MOGAT1: variants seen among roughly 807,000 people sequenced by gnomAD.
MOGAT1 encodes the protein monoacylglycerol O-acyltransferase 1, also known as 2-acylglycerol O-acyltransferase 1.
MOGAT1 carries 32 observed loss-of-function variants against 31.4 expected under a neutral mutation model. The observed-to-expected ratio is 1.02, with a 90% confidence interval of 0.77 to 1.37. The LOEUF is 1.37. MOGAT1 is among the 40% of genes most tolerant of loss of function. MOGAT1 has a pLI of 0.00. For synonymous variants in MOGAT1, 145 were observed against 144.5 expected, an observed-to-expected ratio of 1.00 and a Z score of -0.03; for missense variants, 426 against 402.0, an observed-to-expected ratio of 1.06 and a Z score of -0.51.
At chr2:222,687,140 G>A (rs555754212) in intron 1 of MOGAT1, among the ~76,000 whole-genome samples, 821 of 50,278 alleles carry the variant, frequency 0.016, 23 homozygotes, top group Middle Eastern at 0.036. Flanking sequence ...AAAAAAAAAA[G>A]AAAGAACAAG....
Position 222,685,496 on chromosome 2 carries a change from T to C in MOGAT1, c.95-2848T>C, listed in dbSNP as rs116798902. Among the ~76,000 whole-genome samples the C allele has an allele frequency of 5.5e-3, 833 of 152,062 alleles. 10 individuals carry two copies. The highest frequency in any genetic ancestry group is 0.019 in the African/African-American group (805 of 41,472). ...AGACCTACATCTTAACTATTATACA[T>C]GCAAAACATGTAATGAGCATTAAAG... On this transcript the variant is annotated intron_variant, in intron 1 of 5. Coordinates refer to ENST00000446656, the MANE Select transcript of MOGAT1 (RefSeq NM_058165.3).
intron 1 of MOGAT1, among the ~76,000 whole-genome samples, chr2:222,683,454 G>A (rs988716870): frequency 2.0e-5 from 3 of 150,858 alleles, no homozygotes; most frequent in Non-Finnish European, 2.9e-5. Flanking sequence ...AGGACCAGGC[G>A]CAGTGGCTCA....
intron 5 of MOGAT1, among the ~76,000 whole-genome samples, chr2:222,707,361 G>GAGAAAGAAAGAAAGAGAA (rs10628312): frequency 5.0e-5 from 6 of 120,872 alleles, no homozygotes; most frequent in Non-Finnish European, 8.9e-5. Flanking sequence ...AAGAAAGAAA[G>GAGAAAGAAAGAAAGAGAA]AGAAAGAAAG....
chr2:222,699,649 A>G (rs1222659094), intron 5 of MOGAT1, among the ~76,000 whole-genome samples: 2 of 151,718 alleles, frequency 1.3e-5, no homozygotes. Flanking sequence ...GCTGCCCGCC[A>G]CCATGCCCGG....
intron 5 of MOGAT1, among the ~76,000 whole-genome samples, chr2:222,705,728 C>G (rs146529171): frequency 6.6e-6 from 1 of 151,956 alleles, no homozygotes; most frequent in East Asian, 1.9e-4. Flanking sequence ...TAGGTTTTTC[C>G]GGGGATTTGA....
chr2:222,679,455 G>A (rs1157636371), intron 1 of MOGAT1, among the ~76,000 whole-genome samples: 2 of 152,150 alleles, frequency 1.3e-5, no homozygotes, highest in Non-Finnish European at 2.9e-5. Context: ...GATTTTGATT[G>A]GGATTGCTGT....
At chr2:222,676,423 ATATATCAATAGTTCATT>A (rs1692498438) in intron 1 of MOGAT1, among the ~76,000 whole-genome samples, 1 of 152,150 alleles carries the variant, frequency 6.6e-6, no homozygotes, top group Admixed American at 6.5e-5. Flanking sequence ...GGTTTCTCAT[ATATATCAATAGTTCATT>A]GCTTTTTGTT....
At chr2:222,683,976 T>G (rs566727472) in intron 1 of MOGAT1, among the ~76,000 whole-genome samples, 1 of 152,352 alleles carries the variant, frequency 6.6e-6, no homozygotes, top group East Asian at 1.9e-4. Flanking sequence ...CTTTGTATCT[T>G]CCTCTTCTCT....
intron 3 of MOGAT1, among the ~76,000 whole-genome samples, chr2:222,690,031 G>T (rs1308677877): frequency 6.6e-6 from 1 of 152,112 alleles, no homozygotes; most frequent in Non-Finnish European, 1.5e-5. Context: ...GAGGCGGGCA[G>T]ATCTCTTGAG....
chr2:222,689,789 G>T (rs1346854532), intron 3 of MOGAT1, among the ~76,000 whole-genome samples: 1 of 152,210 alleles, frequency 6.6e-6, no homozygotes, highest in East Asian at 1.9e-4. Context: ...TGTAGAAAAA[G>T]AAATCAGGGA....
rs773131008 is a variant in MOGAT1, at chr2:222,694,882, A to T, written c.654-207A>T. On this transcript the variant is annotated intron_variant, in intron 4 of 5. Transcript: ENST00000446656. ...GGAACCCTAATTTTCTATAGAATAA[A>T]ATCCTGTCAATGGCTAGCCTGCTGA... is the stretch of plus-strand genomic sequence containing the variant. Among the ~76,000 whole-genome samples, 100 of 152,338 alleles carry T rather than the reference A, an allele frequency of 6.6e-4. 1 individual carries two copies. Among genetic ancestry groups the T allele is most frequent in the Non-Finnish European group, 1.0e-3 (70 of 68,038 alleles).
chr2:222,682,474 C>G (rs192783977), intron 1 of MOGAT1, among the ~76,000 whole-genome samples: 27 of 152,318 alleles, frequency 1.8e-4, no homozygotes, highest in Non-Finnish European at 3.8e-4. Context: ...TGCCCCCCAA[C>G]CTGGACTTGA....
At position 222,671,775 on chromosome 2, in the gene MOGAT1, C is replaced by G. The variant is rs1309392454; in HGVS notation, c.-11C>G. On this transcript the variant is annotated 5_prime_UTR_variant, in exon 1 of 6. Coordinates refer to ENST00000446656, the MANE Select transcript of MOGAT1 (RefSeq NM_058165.3). ...CTGCAGTGGCTGGCGCCGTCCTCGC[C>G]CGGCCAGGCCATGAAGGTAGAGTTT... is the stretch of plus-strand genomic sequence containing the variant. 9 of 1,549,500 alleles carry G rather than the reference C, an allele frequency of 5.8e-6. No homozygotes were observed. Among genetic ancestry groups the G allele is most frequent in the African/African-American group, 1.4e-5 (1 of 73,040 alleles).
chr2:222,700,702 A>C (rs1692906403), intron 5 of MOGAT1, among the ~76,000 whole-genome samples: 1 of 152,256 alleles, frequency 6.6e-6, no homozygotes, highest in Non-Finnish European at 1.5e-5. Flanking sequence ...ACACAAGTGG[A>C]GGATAGAACA....
chr2:222,689,520 A>G, intron 3 of MOGAT1, 51 bp downstream of exon 3: 3 of 1,532,282 alleles, frequency 2.0e-6, no homozygotes, highest in Non-Finnish European at 2.7e-6. Context: ...TAGCAGGAGC[A>G]CACAGAACAT....
At chr2:222,698,315 G>C (rs1396151124) in intron 5 of MOGAT1, among the ~76,000 whole-genome samples, 1 of 152,168 alleles carries the variant, frequency 6.6e-6, no homozygotes. Flanking sequence ...TGGAAACAGG[G>C]AGGTGACATT....
intron 1 of MOGAT1, among the ~76,000 whole-genome samples, chr2:222,678,606 T>C (rs1692532223): frequency 2.0e-5 from 3 of 152,160 alleles, no homozygotes; most frequent in Non-Finnish European, 2.9e-5. Context: ...ATTGTATCCA[T>C]TTTTTTAATA....
intron 1 of MOGAT1, among the ~76,000 whole-genome samples, chr2:222,679,982 T>A (rs1337050478): frequency 2.0e-5 from 3 of 152,196 alleles, no homozygotes; most frequent in Middle Eastern, 6.3e-3. Flanking sequence ...TGTTCTGTTT[T>A]CTTTGTTTCT....
At chr2:222,701,535 GAA>G (rs1412983921) in intron 5 of MOGAT1, among the ~76,000 whole-genome samples, 2 of 70,384 alleles carry the variant, frequency 2.8e-5, no homozygotes, top group African/African-American at 7.7e-5. Context: ...GAAAGAAAGA[GAA>G]AGAAAAAAGA....
Sources: gnomAD v4.1 joint callset for allele counts (sites outside exome capture counted in the v4.1 genomes callset) on GRCh38, gnomAD v4.1.1 for gene constraint, MANE v1.5 for transcripts, NCBI Gene and HGNC (gene_info 2026-07-23, HGNC 2026-07-21) for gene names.